The following NRCAM variants were observed in gnomAD, a reference collection of about 807,000 sequenced individuals.
NRCAM encodes the protein neuronal cell adhesion molecule.
Under a neutral mutation model 156.5 loss-of-function variants are expected in NRCAM, and 83 were observed. The ratio of observed to expected loss-of-function variants is 0.53; its 90% confidence interval spans 0.44 to 0.64. The LOEUF is 0.64. Among genes scored for constraint, NRCAM ranks in the 30% least tolerant of loss-of-function variants. The pLI is 0.00. For synonymous variants in NRCAM, 538 were observed against 563.9 expected, an observed-to-expected ratio of 0.95 and a Z score of 0.65; for missense variants, 1,417 against 1,597.3, an observed-to-expected ratio of 0.89 and a Z score of 1.92.
At position 108,270,953 on chromosome 7, in the gene NRCAM, A is replaced by G. The variant is rs116786802; in HGVS notation, c.-106-30783T>C. On this transcript the variant is annotated intron_variant, in intron 3 of 32. Coordinates refer to ENST00000379028, the MANE Select transcript of NRCAM (RefSeq NM_001037132.4). ...AAAGTTCTGTAGATAGATGGTGGTG[A>G]TGCTGGCACAAGGTGAATACACTTA... Among the ~76,000 whole-genome samples the G allele has an allele frequency of 9.6e-3, 1,466 of 152,326 alleles. 27 individuals carry two copies. The highest frequency in any genetic ancestry group is 0.033 in the African/African-American group (1,375 of 41,570).
chr7:108,242,107 C>T (rs568884375), intron 3 of NRCAM, among the ~76,000 whole-genome samples: 2 of 151,752 alleles, frequency 1.3e-5, no homozygotes, highest in South Asian at 4.2e-4. Context: ...AATCCCGTCC[C>T]TACTAAAAAA....
intron 12 of NRCAM, among the ~76,000 whole-genome samples, chr7:108,208,291 C>T (rs1395699086): frequency 1.3e-5 from 2 of 151,770 alleles, no homozygotes; most frequent in African/African-American, 4.8e-5. Context: ...GGCAACAGAG[C>T]GAGACTCCAA....
Position 108,191,240 on chromosome 7 carries a change from T to A in NRCAM, c.1933+14A>T, listed in dbSNP as rs1180837593. ...TTGACAGAAAACAGAGAAAGAAGACTCATATTAGTTTACCGTAAACGGGAG... is the reference window on the plus strand; with the variant it reads ...TTGACAGAAAACAGAGAAAGAAGACACATATTAGTTTACCGTAAACGGGAG... On this transcript the variant is annotated intron_variant, in intron 19 of 32. Coordinates refer to ENST00000379028, the MANE Select transcript of NRCAM (RefSeq NM_001037132.4). 1 of 1,597,688 alleles carries A rather than the reference T, an allele frequency of 6.3e-7. No homozygotes were observed. Among genetic ancestry groups the A allele is most frequent in the Admixed American group, 1.7e-5 (1 of 58,538 alleles).
At chr7:108,426,658 T>C (rs1480329584) in intron 1 of NRCAM, among the ~76,000 whole-genome samples, 1 of 152,222 alleles carries the variant, frequency 6.6e-6, no homozygotes. Context: ...TCATTTGGCC[T>C]GAACAAAGGG....
At chr7:108,222,768 A>C (rs1379887283) in intron 11 of NRCAM, among the ~76,000 whole-genome samples, 12 of 152,154 alleles carry the variant, frequency 7.9e-5, no homozygotes. Flanking sequence ...CAGGGATCAC[A>C]TGTGAGGGCA....
At chr7:108,333,668 G>C (rs1288618098) in intron 2 of NRCAM, among the ~76,000 whole-genome samples, 1 of 152,140 alleles carries the variant, frequency 6.6e-6, no homozygotes, top group East Asian at 1.9e-4. Context: ...CATTAGGTTA[G>C]AATCTGTTAA....
intron 3 of NRCAM, among the ~76,000 whole-genome samples, chr7:108,263,869 C>G (rs1012106638): frequency 6.6e-6 from 1 of 152,362 alleles, no homozygotes; most frequent in East Asian, 1.9e-4. Context: ...ATTATACACT[C>G]AAGTCTTCCT....
At chr7:108,192,333 C>G (rs2072414180) in intron 17 of NRCAM, among the ~76,000 whole-genome samples, 1 of 152,156 alleles carries the variant, frequency 6.6e-6, no homozygotes, top group Non-Finnish European at 1.5e-5. Flanking sequence ...AGACTGTGCT[C>G]TCCTATGACA....
At chr7:108,296,376 T>C (rs926946397) in intron 3 of NRCAM, among the ~76,000 whole-genome samples, 23 of 152,182 alleles carry the variant, frequency 1.5e-4, no homozygotes, top group African/African-American at 5.1e-4. Context: ...GTATTACTTA[T>C]GGATGAAACC....
At chr7:108,250,425 C>CAAAAAAAAAAA (rs34274206) in intron 3 of NRCAM, among the ~76,000 whole-genome samples, 7 of 67,370 alleles carry the variant, frequency 1.0e-4, no homozygotes, top group Admixed American at 2.2e-4. Context: ...CATCTTACCT[C>CAAAAAAAAAAA]AAAAAAAAAA....
At chr7:108,284,508 G>A (rs761591904) in intron 3 of NRCAM, among the ~76,000 whole-genome samples, 4 of 152,038 alleles carry the variant, frequency 2.6e-5, no homozygotes, top group African/African-American at 4.8e-5. Flanking sequence ...AGGGCCCTGC[G>A]GTTCCCAAGT....
intron 26 of NRCAM, chr7:108,176,917 G>A (rs1288150307): frequency 5.0e-6 from 1 of 200,038 alleles, no homozygotes; most frequent in Non-Finnish European, 1.0e-5. Flanking sequence ...TGCAGGTGGA[G>A]TTGTATTGTT....
chr7:108,155,097 TATATAC>T (rs1268389281), intron 32 of NRCAM, among the ~76,000 whole-genome samples: 35 of 89,700 alleles, frequency 3.9e-4, no homozygotes, highest in African/African-American at 2.1e-3. Flanking sequence ...CATATATATA[TATATAC>T]ACACACACAC....
chr7:108,349,829 G>A (rs891846283), intron 2 of NRCAM, among the ~76,000 whole-genome samples: 2 of 152,080 alleles, frequency 1.3e-5, no homozygotes, highest in Non-Finnish European at 2.9e-5. Context: ...AGGTCATAGC[G>A]ATCATTTAAA....
At chr7:108,400,752 C>T (rs1421325410) in intron 1 of NRCAM, among the ~76,000 whole-genome samples, 1 of 152,100 alleles carries the variant, frequency 6.6e-6, no homozygotes, top group Non-Finnish European at 1.5e-5. Context: ...GGTACAGTGA[C>T]TTACACAAGG....
At chr7:108,376,045 T>C (rs2099674164) in intron 2 of NRCAM, among the ~76,000 whole-genome samples, 1 of 152,190 alleles carries the variant, frequency 6.6e-6, no homozygotes, top group East Asian at 1.9e-4. Flanking sequence ...TGGACACCTG[T>C]TGGTGTTTGG....
At chr7:108,182,662 T>C (rs2064187326) in intron 23 of NRCAM, 33 bp downstream of exon 23, 1 of 1,597,094 alleles carries the variant, frequency 6.3e-7, no homozygotes, top group East Asian at 2.2e-5. Context: ...AAGTCTGTTT[T>C]GCTGGGGAAA....
At chr7:108,175,615 A>C (rs391210) in intron 27 of NRCAM, among the ~76,000 whole-genome samples, 1 of 151,918 alleles carries the variant, frequency 6.6e-6, no homozygotes, top group Non-Finnish European at 1.5e-5. Context: ...TGCATTATTC[A>C]TACTTGTTGA....
chr7:108,272,904 C>T (rs920097441), intron 3 of NRCAM, among the ~76,000 whole-genome samples: 1 of 152,136 alleles, frequency 6.6e-6, no homozygotes, highest in African/African-American at 2.4e-5. Context: ...CCCAGCCCCC[C>T]ACCTGCCAAC....
Sources: gnomAD v4.1 joint callset for allele counts (sites outside exome capture counted in the v4.1 genomes callset) on GRCh38, gnomAD v4.1.1 for gene constraint, MANE v1.5 for transcripts, NCBI Gene and HGNC (gene_info 2026-07-23, HGNC 2026-07-21) for gene names.